TENM3: variants seen among roughly 807,000 people sequenced by gnomAD.
TENM3 encodes teneurin transmembrane protein 3.
TENM3 carries 63 observed loss-of-function variants against 255.1 expected under a neutral mutation model. That is an observed-to-expected ratio of 0.25 (90% CI 0.20 to 0.30). The LOEUF is 0.30. TENM3 is among the 10% of genes least tolerant of loss of function. TENM3 has a pLI of 1.00. For missense variants in TENM3, 2,929 were observed against 3,461.1 expected (o/e 0.85, Z 3.86); for synonymous variants, 1,306 against 1,322.3 (o/e 0.99, Z 0.27).
At chr4:182,156,054 G>A (rs1750680720) in intron 1 of TENM3, among the ~76,000 whole-genome samples, 1 of 134,646 alleles carries the variant, frequency 7.4e-6, no homozygotes, top group Non-Finnish European at 1.6e-5. Context: ...ACAAGTACAT[G>A]TGTTTTGTGC....
At chr4:182,129,520 C>A in the TENM3 span, among the ~76,000 whole-genome samples, 7 of 151,956 alleles carry the variant, frequency 4.6e-5, no homozygotes, top group Admixed American at 4.6e-4. Flanking sequence ...AACCACCTGG[C>A]TTGAAAGACT....
the TENM3 span, among the ~76,000 whole-genome samples, chr4:181,996,200 C>G: frequency 1.3e-5 from 2 of 151,468 alleles, no homozygotes; most frequent in African/African-American, 4.9e-5. Flanking sequence ...TTACCTTCTC[C>G]TGGGGGAGGA....
intron 1 of TENM3, among the ~76,000 whole-genome samples, chr4:182,268,607 T>G (rs914848484): frequency 6.6e-6 from 1 of 151,876 alleles, no homozygotes; most frequent in Admixed American, 6.6e-5. Context: ...CAGCAGAAAA[T>G]ACAGATCATA....
At chr4:181,637,947 A>G in the TENM3 span, among the ~76,000 whole-genome samples, 1 of 152,156 alleles carries the variant, frequency 6.6e-6, no homozygotes, top group African/African-American at 2.4e-5. Context: ...GACAGGGTAT[A>G]TCCTGCCCAG....
At chr4:182,300,268 A>T (rs1761773874) in intron 1 of TENM3, among the ~76,000 whole-genome samples, 1 of 151,758 alleles carries the variant, frequency 6.6e-6, no homozygotes. Flanking sequence ...GCAAGGGAAG[A>T]AGAAGGAAAG....
rs563904679 is a variant in TENM3 at position 182,800,499 on chromosome 4, A to G, written c.*148A>G. Reference sequence around the variant, plus strand: ...CCACACCCACACCGCGAAAACAAGGACCGCTTTTTTCCGAATGACCTTAAA... The same window carrying G: ...CCACACCCACACCGCGAAAACAAGGGCCGCTTTTTTCCGAATGACCTTAAA... On this transcript the variant is annotated 3_prime_UTR_variant, in exon 28 of 28. Transcript: ENST00000511685. The G allele has an allele frequency of 1.9e-5, 19 of 1,001,192 alleles. No individual in the cohort carries two copies. The highest frequency in any genetic ancestry group is 2.4e-5 in the Non-Finnish European group (17 of 711,812). 62.0% of individuals were successfully genotyped at this position (1,001,192 alleles called of 1,614,324 possible).
At chr4:182,112,907 A>G in the TENM3 span, among the ~76,000 whole-genome samples, 3 of 152,310 alleles carry the variant, frequency 2.0e-5, no homozygotes, top group African/African-American at 7.2e-5. Context: ...AACAGCTAGG[A>G]GGCCTGCTCT....
chr4:181,920,339 C>T, the TENM3 span, among the ~76,000 whole-genome samples: 1 of 151,806 alleles, frequency 6.6e-6, no homozygotes, highest in Non-Finnish European at 1.5e-5. Flanking sequence ...AACTAGTTTA[C>T]AGTCCCACCA....
intron 3 of TENM3, among the ~76,000 whole-genome samples, chr4:182,441,486 C>A: frequency 6.6e-6 from 1 of 152,096 alleles, no homozygotes; most frequent in East Asian, 1.9e-4. Context: ...ATTCCCAAAC[C>A]AGCATTTATT....
the TENM3 span, among the ~76,000 whole-genome samples, chr4:181,870,342 C>T: frequency 6.6e-6 from 1 of 151,978 alleles, no homozygotes; most frequent in Non-Finnish European, 1.5e-5. Context: ...GGGGATAATA[C>T]CAAGGAATAA....
intron 3 of TENM3, among the ~76,000 whole-genome samples, chr4:182,543,019 A>G (rs1741040835): frequency 1.3e-5 from 2 of 152,336 alleles, no homozygotes; most frequent in South Asian, 4.1e-4. Context: ...TAACTTTGGA[A>G]GCTATAGCAA....
intron 1 of TENM3, among the ~76,000 whole-genome samples, chr4:182,288,887 G>A: frequency 6.6e-6 from 1 of 152,136 alleles, no homozygotes; most frequent in South Asian, 2.1e-4. Context: ...AAAGGTCGGG[G>A]GCTGGAAATG....
chr4:181,919,787 G>A, the TENM3 span, among the ~76,000 whole-genome samples: 17,850 of 151,210 alleles, frequency 0.12, 1,224 homozygotes, highest in East Asian at 0.2. Context: ...CAATGTGAAG[G>A]TTAGTTACAT....
chr4:181,936,897 C>T, the TENM3 span, among the ~76,000 whole-genome samples: 1 of 152,078 alleles, frequency 6.6e-6, no homozygotes. Flanking sequence ...GAAAAGAAAA[C>T]AATGTTTCCT....
intron 3 of TENM3, among the ~76,000 whole-genome samples, chr4:182,376,362 C>T (rs6830423): frequency 1.8e-3 from 281 of 152,212 alleles, no homozygotes; most frequent in Non-Finnish European, 3.3e-3. Flanking sequence ...AATTTTCTTC[C>T]AAGACCTCTG....
At chr4:182,729,362 A>G (rs1206344262) in intron 14 of TENM3, among the ~76,000 whole-genome samples, 181 bp downstream of exon 14, 3 of 152,222 alleles carry the variant, frequency 2.0e-5, no homozygotes, top group African/African-American at 7.2e-5. Context: ...CAGTTCACAT[A>G]CTTTGTCAAT....
At chr4:181,537,148 C>T in the TENM3 span, among the ~76,000 whole-genome samples, 4 of 151,922 alleles carry the variant, frequency 2.6e-5, no homozygotes, top group African/African-American at 4.8e-5. Flanking sequence ...TGACCTTTTC[C>T]GAAATACTGA....
the TENM3 span, among the ~76,000 whole-genome samples, chr4:182,133,283 G>C: frequency 6.6e-6 from 1 of 152,186 alleles, no homozygotes; most frequent in Non-Finnish European, 1.5e-5. Context: ...GTTAAAAATT[G>C]AAGGGCTTTC....
At chr4:182,484,384 G>C (rs1278049410) in intron 3 of TENM3, among the ~76,000 whole-genome samples, 1 of 152,148 alleles carries the variant, frequency 6.6e-6, no homozygotes, top group Non-Finnish European at 1.5e-5. Flanking sequence ...TGTGTATAGA[G>C]TGCACTATTA....
Sources: gnomAD v4.1 joint callset for allele counts (sites outside exome capture counted in the v4.1 genomes callset) on GRCh38, gnomAD v4.1.1 for gene constraint, MANE v1.5 for transcripts, NCBI Gene and HGNC (gene_info 2026-07-23, HGNC 2026-07-21) for gene names.